The following NSMCE2 variants were observed in gnomAD, a reference collection of about 807,000 sequenced individuals.
NSMCE2 encodes E3 SUMO-protein ligase NSE2.
A neutral mutation model predicts 23.8 loss-of-function variants in NSMCE2; 24 were observed. That is an observed-to-expected ratio of 1.01 (90% CI 0.73 to 1.42). The LOEUF (loss-of-function observed/expected upper bound fraction) is 1.42, where lower values mean the gene tolerates loss of function less well. Among genes scored for constraint, NSMCE2 ranks in the 40% most tolerant of loss-of-function variants. NSMCE2 has a pLI of 0.00. For synonymous variants in NSMCE2, 92 were observed against 94.1 expected, an observed-to-expected ratio of 0.98 and a Z score of 0.13; for missense variants, 284 against 296.5, an observed-to-expected ratio of 0.96 and a Z score of 0.31.
intron 3 of NSMCE2, among the ~76,000 whole-genome samples, chr8:125,123,040 G>A (rs1249486355): frequency 1.3e-5 from 2 of 152,126 alleles, no homozygotes; most frequent in African/African-American, 4.8e-5. Flanking sequence ...CTAAGAATGG[G>A]TTAAAATTTC....
intron 5 of NSMCE2, among the ~76,000 whole-genome samples, chr8:125,259,759 T>C (rs1245012796): frequency 6.6e-6 from 1 of 152,172 alleles, no homozygotes; most frequent in Non-Finnish European, 1.5e-5. Flanking sequence ...TAAATGTTGG[T>C]TTCAACAACT....
chr8:125,169,799 G>A (rs1396474231), intron 4 of NSMCE2, among the ~76,000 whole-genome samples: 1 of 151,698 alleles, frequency 6.6e-6, no homozygotes, highest in African/African-American at 2.4e-5. Flanking sequence ...TCAGCTTTAA[G>A]CTCAAATTTC....
Position 125,271,778 on chromosome 8 carries a change from G to A in NSMCE2, c.419-85441G>A, listed in dbSNP as rs150755614. On this transcript the variant is annotated intron_variant, in intron 5 of 7. Coordinates refer to ENST00000287437, the MANE Select transcript of NSMCE2 (RefSeq NM_173685.4). ...CTGTTTTTCACTCATGCTTTTTAAT[G>A]ACTCTGTAATCATGTGTATGTTTTA... 5.7e-3 allele frequency among the ~76,000 whole-genome samples: 868 copies of A among 152,272 alleles called. 6 individuals carry two copies. Among genetic ancestry groups the A allele is most frequent in the African/African-American group, 0.02 (841 of 41,554 alleles).
At chr8:125,203,697 T>G (rs909549217) in intron 5 of NSMCE2, among the ~76,000 whole-genome samples, 32 of 152,104 alleles carry the variant, frequency 2.1e-4, no homozygotes, top group African/African-American at 7.7e-4. Flanking sequence ...AAGTAAGTAA[T>G]TGATGTCTTG....
At chr8:125,281,244 T>A (rs888472327) in intron 5 of NSMCE2, among the ~76,000 whole-genome samples, 2 of 152,212 alleles carry the variant, frequency 1.3e-5, no homozygotes, top group African/African-American at 2.4e-5. Flanking sequence ...TAAAAGGATG[T>A]TGGCCCAATT....
At chr8:125,358,645 T>C (rs1813390912) in intron 7 of NSMCE2, among the ~76,000 whole-genome samples, 1 of 152,154 alleles carries the variant, frequency 6.6e-6, no homozygotes, top group African/African-American at 2.4e-5. Flanking sequence ...CTTGTGCTCT[T>C]ATCATGGATT....
intron 5 of NSMCE2, among the ~76,000 whole-genome samples, chr8:125,260,717 C>G (rs1254132415): frequency 1.3e-5 from 2 of 151,726 alleles, no homozygotes; most frequent in African/African-American, 4.8e-5. Context: ...CTCCACCTCC[C>G]AGGTTCAAGT....
At chr8:125,284,477 C>T (rs1297248873) in intron 5 of NSMCE2, among the ~76,000 whole-genome samples, 2 of 152,138 alleles carry the variant, frequency 1.3e-5, no homozygotes, top group African/African-American at 4.8e-5. Context: ...AGGTTCTATC[C>T]TTATCGAGGA....
At chr8:125,319,902 C>T (rs1365555450) in intron 5 of NSMCE2, among the ~76,000 whole-genome samples, 5 of 151,864 alleles carry the variant, frequency 3.3e-5, no homozygotes, top group South Asian at 2.1e-4. Context: ...GCTGGCCAGG[C>T]GTGGTGGCTC....
intron 1 of NSMCE2, among the ~76,000 whole-genome samples, chr8:125,097,428 T>C (rs1384668731): frequency 6.6e-6 from 1 of 152,196 alleles, no homozygotes; most frequent in Non-Finnish European, 1.5e-5. Context: ...CCTTTGTACC[T>C]GTATGCCAGG....
At chr8:125,095,947 G>A (rs1279243242) in intron 1 of NSMCE2, among the ~76,000 whole-genome samples, 3 of 151,900 alleles carry the variant, frequency 2.0e-5, no homozygotes, top group African/African-American at 7.3e-5. Flanking sequence ...GTCCTTGCAG[G>A]TTTGTGTTTT....
intron 4 of NSMCE2, among the ~76,000 whole-genome samples, chr8:125,158,691 T>G (rs755064222): frequency 3.3e-5 from 5 of 151,992 alleles, no homozygotes; most frequent in Non-Finnish European, 5.9e-5. Context: ...TAAACCTTTA[T>G]TTTAGATGTC....
chr8:125,136,207 G>GT (rs1194729710), intron 3 of NSMCE2, among the ~76,000 whole-genome samples: 1 of 152,124 alleles, frequency 6.6e-6, no homozygotes, highest in Admixed American at 6.6e-5. Flanking sequence ...AAACAGGAGA[G>GT]TAACACCAGA....
intron 3 of NSMCE2, among the ~76,000 whole-genome samples, chr8:125,112,272 G>C (rs1297822595): frequency 1.3e-5 from 2 of 152,206 alleles, no homozygotes; most frequent in African/African-American, 2.4e-5. Flanking sequence ...GTAGAGAAAA[G>C]GGAAACCCTT....
At chr8:125,117,637 C>T (rs770652452) in intron 3 of NSMCE2, among the ~76,000 whole-genome samples, 1 of 152,086 alleles carries the variant, frequency 6.6e-6, no homozygotes, top group Admixed American at 6.6e-5. Context: ...AACTCAGCCT[C>T]CCAAAGTAGC....
At chr8:125,132,742 A>G (rs1350410702) in intron 3 of NSMCE2, among the ~76,000 whole-genome samples, 1 of 152,106 alleles carries the variant, frequency 6.6e-6, no homozygotes, top group Non-Finnish European at 1.5e-5. Flanking sequence ...TGATCCACCC[A>G]TCTCAGCCTC....
intron 5 of NSMCE2, among the ~76,000 whole-genome samples, chr8:125,303,940 T>C (rs1222181026): frequency 6.6e-6 from 1 of 152,252 alleles, no homozygotes; most frequent in Non-Finnish European, 1.5e-5. Context: ...AACAATGTTC[T>C]TTCTAGTGCT....
At chr8:125,115,712 G>A (rs1818972384) in intron 3 of NSMCE2, among the ~76,000 whole-genome samples, 1 of 152,128 alleles carries the variant, frequency 6.6e-6, no homozygotes. Context: ...GATTGACAGA[G>A]CGAGACTCCG....
chr8:125,364,021 G>T (rs1049495055), intron 7 of NSMCE2, among the ~76,000 whole-genome samples: 1 of 151,996 alleles, frequency 6.6e-6, no homozygotes, highest in Non-Finnish European at 1.5e-5. Context: ...TTGGCTCACC[G>T]CAACCCCCAC....
Sources: allele counts gnomAD v4.1 joint callset (sites outside exome capture counted in the v4.1 genomes callset), GRCh38; gene constraint gnomAD v4.1.1; transcripts MANE v1.5; gene names NCBI Gene and HGNC (gene_info 2026-07-23, HGNC 2026-07-21).